MSR1: variants seen among roughly 807,000 people sequenced by gnomAD.
MSR1 encodes the protein macrophage scavenger receptor types I and II.
A neutral mutation model predicts 47.2 loss-of-function variants in MSR1; 53 were observed. The observed-to-expected ratio is 1.12, with a 90% CI of 0.90 to 1.41. MSR1 has a LOEUF of 1.41. MSR1 is among the 40% of genes most tolerant of loss of function. The pLI is 0.00. For synonymous variants in MSR1, 239 were observed against 185.6 expected, an observed-to-expected ratio of 1.29 and a Z score of -2.34; for missense variants, 786 against 546.9, an observed-to-expected ratio of 1.44 and a Z score of -4.36.
chr8:16,153,857 G>A lies in MSR1; in HGVS notation c.898+1207C>T, dbSNP rs184079183. On this transcript the variant is annotated intron_variant, in intron 6 of 9. Transcript: ENST00000262101. ...TTCCTCTGCTTATGACATTAATGCA[G>A]CATTGTTAATATCTGATTAGCATTA... Among the ~76,000 whole-genome samples, 144 of 152,026 alleles carry A rather than the reference G, an allele frequency of 9.5e-4. 1 individual carries two copies. The highest frequency in any genetic ancestry group is 9.3e-3 in the Admixed American group (142 of 15,204).
intron 8 of MSR1, among the ~76,000 whole-genome samples, chr8:16,141,781 T>C (rs1800563129): frequency 6.6e-6 from 1 of 151,974 alleles, no homozygotes; most frequent in African/African-American, 2.4e-5. Flanking sequence ...TTGATAACCT[T>C]AGGTAATGGA....
At chr8:16,123,514 CAGAT>C (rs1211686871) in intron 8 of MSR1, among the ~76,000 whole-genome samples, 5 of 101,352 alleles carry the variant, frequency 4.9e-5, no homozygotes, top group African/African-American at 1.4e-4. Flanking sequence ...TATATTTAGT[CAGAT>C]AGGGCTTTTT....
chr8:16,136,122 C>T (rs1321996168), intron 8 of MSR1, among the ~76,000 whole-genome samples: 1 of 152,096 alleles, frequency 6.6e-6, no homozygotes, highest in African/African-American at 2.4e-5. Flanking sequence ...TATGAGAAGA[C>T]TGATTTTAAT....
At position 16,164,294 on chromosome 8, in the gene MSR1, T is replaced by C. The variant is rs748183699; in HGVS notation, c.631-43A>G. 7 of 1,540,268 alleles carry C rather than the reference T, an allele frequency of 4.5e-6. No individual in the cohort carries two copies. In the African/African-American group the frequency reaches 6.8e-5, roughly 15 times the overall value. ...GCATTCACAGCCTTTGTTACATACA[T>C]AATTATCAAATATGAAAGTTCAAGA... On this transcript the variant is annotated intron_variant, in intron 4 of 9. Coordinates refer to ENST00000262101, the MANE Select transcript of MSR1 (RefSeq NM_138715.3).
At chr8:16,188,470 T>C (rs1373840497) in intron 1 of MSR1, among the ~76,000 whole-genome samples, 1 of 152,100 alleles carries the variant, frequency 6.6e-6, no homozygotes, top group East Asian at 1.9e-4. Flanking sequence ...ATTATTTTAA[T>C]ATTTCAAACG....
rs73665241 is a variant in MSR1 at position 16,162,244 on chromosome 8, A to G, written c.817+1821T>C. On this transcript the variant is annotated intron_variant, in intron 5 of 9. Coordinates refer to ENST00000262101, the MANE Select transcript of MSR1 (RefSeq NM_138715.3). ...TTGAAGCCAGGGGACCAATTTTTTC[A>G]GCACACTGATAGAAGGAATCAAAAT... Among the ~76,000 whole-genome samples, 693 of 152,148 alleles carry G rather than the reference A, an allele frequency of 4.6e-3. 10 individuals carry two copies. Among genetic ancestry groups the G allele is most frequent in the African/African-American group, 0.016 (650 of 41,568 alleles).
chr8:16,152,876 C>T (rs997360749), intron 6 of MSR1, among the ~76,000 whole-genome samples: 5 of 152,008 alleles, frequency 3.3e-5, no homozygotes, highest in African/African-American at 9.7e-5. Flanking sequence ...TATTGTAGAA[C>T]ACCAGGCCTG....
At chr8:16,141,961 G>A (rs894429207) in intron 8 of MSR1, among the ~76,000 whole-genome samples, 9 of 152,062 alleles carry the variant, frequency 5.9e-5, no homozygotes, top group African/African-American at 2.2e-4. Context: ...ATAAGAAGGA[G>A]AACTTTTTAA....
intron 8 of MSR1, among the ~76,000 whole-genome samples, chr8:16,129,280 A>G (rs555897585): frequency 1.1e-4 from 16 of 152,238 alleles, no homozygotes; most frequent in South Asian, 4.1e-4. Flanking sequence ...TGAGGGTCCA[A>G]TGTTTTACTT....
chr8:16,190,049 G>A (rs183992727), intron 1 of MSR1, among the ~76,000 whole-genome samples: 2 of 151,472 alleles, frequency 1.3e-5, no homozygotes, highest in Admixed American at 6.6e-5. Context: ...CGAGTAGCGG[G>A]ATTATAGGCG....
intron 9 of MSR1, among the ~76,000 whole-genome samples, chr8:16,117,940 C>T (rs1292983311): frequency 6.6e-6 from 1 of 152,034 alleles, no homozygotes; most frequent in Admixed American, 6.5e-5. Context: ...TGAACCATCC[C>T]CAAACCTTCT....
chr8:16,175,487 T>C (rs569453395), intron 2 of MSR1, among the ~76,000 whole-genome samples, 187 bp from the exon 3 acceptor site: 1 of 152,180 alleles, frequency 6.6e-6, no homozygotes, highest in Non-Finnish European at 1.5e-5. Flanking sequence ...CCAGGTATCA[T>C]TATAGGCACT....
At chr8:16,176,937 T>C (rs1240329179) in intron 2 of MSR1, among the ~76,000 whole-genome samples, 1 of 152,230 alleles carries the variant, frequency 6.6e-6, no homozygotes, top group Non-Finnish European at 1.5e-5. Flanking sequence ...TTTAACTTTG[T>C]ATATGCTGCT....
chr8:16,130,172 T>A (rs80246093), intron 8 of MSR1, among the ~76,000 whole-genome samples: 3,121 of 152,312 alleles, frequency 0.02, 65 homozygotes, highest in Admixed American at 0.056. Context: ...ATAATTGATT[T>A]AAATCTCTAT....
chr8:16,189,007 T>C (rs998726068), intron 1 of MSR1, among the ~76,000 whole-genome samples: 1 of 145,442 alleles, frequency 6.9e-6, no homozygotes, highest in Admixed American at 6.9e-5. Flanking sequence ...TAAAACAACA[T>C]ATATATATGT....
intron 8 of MSR1, among the ~76,000 whole-genome samples, chr8:16,127,998 T>G (rs757103492): frequency 6.6e-6 from 1 of 152,276 alleles, no homozygotes; most frequent in South Asian, 2.1e-4. Context: ...CATGAGACAA[T>G]GTAAAAGAAC....
In MSR1 at chr8:16,129,574, C is replaced by T. The variant is rs373573407; in HGVS notation, c.1034-8968G>A. ...CAGCCTGGGCAAGACAGCAAAACCC[C>T]GTTCCCTACAAAAAATTTTAAAAAA... On this transcript the variant is annotated intron_variant, in intron 8 of 9. Transcript: ENST00000262101. Among the ~76,000 whole-genome samples the T allele has an allele frequency of 6.6e-5, 10 of 152,078 alleles. No individual in the cohort carries two copies. In the South Asian group the frequency reaches 1.5e-3, roughly 22 times the overall value.
At chr8:16,180,616 T>A (rs899319476) in intron 1 of MSR1, among the ~76,000 whole-genome samples, 7 of 152,310 alleles carry the variant, frequency 4.6e-5, no homozygotes, top group African/African-American at 1.7e-4. Context: ...AGCACAGTTC[T>A]AACTGAGTGC....
At chr8:16,172,319 C>G (rs182025417) in intron 3 of MSR1, among the ~76,000 whole-genome samples, 195 of 152,236 alleles carry the variant, frequency 1.3e-3, no homozygotes, top group Non-Finnish European at 1.8e-3. Flanking sequence ...CATGAGGTGA[C>G]AGTAAATGCT....
Sources: allele counts gnomAD v4.1 joint callset (sites outside exome capture counted in the v4.1 genomes callset), GRCh38; gene constraint gnomAD v4.1.1; transcripts MANE v1.5; gene names NCBI Gene and HGNC (gene_info 2026-07-23, HGNC 2026-07-21).